Variants in GRM7 observed in about 807,000 individuals in gnomAD.
GRM7 encodes the protein metabotropic glutamate receptor 7.
GRM7 carries 35 observed loss-of-function variants against 84.5 expected under a neutral mutation model. That is an observed-to-expected ratio of 0.41 (90% CI 0.32 to 0.55). GRM7 has a LOEUF of 0.55. Ranked by LOEUF, GRM7 falls within the 20% of genes least tolerant of loss-of-function variation. The probability of loss-of-function intolerance (pLI) is 0.19; values close to 1 mark genes in which losing one functional copy is unlikely to be tolerated. For missense variants in GRM7, 1,003 were observed against 1,194.6 expected (o/e 0.84, Z 2.36); for synonymous variants, 487 against 455.1 (o/e 1.07, Z -0.89).
intron 4 of GRM7, among the ~76,000 whole-genome samples, chr3:7,310,258 A>G (rs1025055098): frequency 2.0e-5 from 3 of 150,414 alleles, no homozygotes; most frequent in Non-Finnish European, 4.4e-5. Context: ...ATTGGTGATG[A>G]TTTTCAAATG....
chr3:7,701,776 A>G (rs972820905), intron 9 of GRM7, among the ~76,000 whole-genome samples: 2 of 152,178 alleles, frequency 1.3e-5, no homozygotes, highest in Non-Finnish European at 2.9e-5. Flanking sequence ...CACTAAGTTC[A>G]ACAGAACACA....
At chr3:7,417,601 T>G (rs998785719) in intron 5 of GRM7, among the ~76,000 whole-genome samples, 1 of 152,168 alleles carries the variant, frequency 6.6e-6, no homozygotes, top group Non-Finnish European at 1.5e-5. Flanking sequence ...CTGAGTAGTC[T>G]GACACTGAAG....
At chr3:7,301,345 A>G (rs1002847078) in intron 3 of GRM7, among the ~76,000 whole-genome samples, 8 of 152,160 alleles carry the variant, frequency 5.3e-5, no homozygotes, top group Admixed American at 2.6e-4. Flanking sequence ...TTAGGTTTCT[A>G]TGAGATTTTG....
chr3:7,043,913 C>G (rs1311632039), intron 1 of GRM7, among the ~76,000 whole-genome samples: 2 of 152,188 alleles, frequency 1.3e-5, no homozygotes. Context: ...CTCCAGGGCT[C>G]AAGTGATCTT....
chr3:7,487,902 T>G (rs897964978), intron 7 of GRM7, among the ~76,000 whole-genome samples: 1 of 152,146 alleles, frequency 6.6e-6, no homozygotes, highest in South Asian at 2.1e-4. Context: ...CAGGCTCTAG[T>G]GTACAACCCT....
intron 4 of GRM7, among the ~76,000 whole-genome samples, chr3:7,355,156 T>C (rs961264478): frequency 3.3e-5 from 5 of 152,164 alleles, no homozygotes; most frequent in Non-Finnish European, 1.5e-5. Context: ...TCCAGGTGTG[T>C]GGAGCCTGCC....
intron 1 of GRM7, among the ~76,000 whole-genome samples, chr3:7,114,059 G>T (rs537650479): frequency 2.0e-5 from 3 of 152,090 alleles, no homozygotes; most frequent in South Asian, 2.1e-4. Flanking sequence ...TCAGATAATA[G>T]ATACTGAAAT....
Position 7,579,371 on chromosome 3 carries a change from C to G in GRM7, c.2451+14C>G. The G allele has an allele frequency of 7.0e-7, 1 of 1,423,474 alleles. No individual in the cohort carries two copies. The allele number at this position is 1,423,474 out of a possible 1,614,324, so 88.2% of individuals were successfully genotyped here. A position where few individuals can be genotyped will look rare whatever the true frequency, so the allele number is the denominator to read the frequency against. ...TCAGCGGAAAAGGTAAGTGAAAATG[C>G]ACATCATAATATGTTTTTTAAAAAT... On this transcript the variant is annotated intron_variant, in intron 8 of 9. Coordinates refer to ENST00000357716, the MANE Select transcript of GRM7 (RefSeq NM_000844.4).
At chr3:7,314,480 A>G (rs1001320433) in intron 4 of GRM7, among the ~76,000 whole-genome samples, 2 of 152,166 alleles carry the variant, frequency 1.3e-5, no homozygotes, top group Non-Finnish European at 2.9e-5. Flanking sequence ...ACTATGGCCA[A>G]TTGCTGGTGA....
At chr3:7,424,221 C>G (rs1696510918) in intron 5 of GRM7, among the ~76,000 whole-genome samples, 1 of 151,996 alleles carries the variant, frequency 6.6e-6, no homozygotes, top group African/African-American at 2.4e-5. Flanking sequence ...GGGCGCTCAA[C>G]CGGTTTAGGT....
rs1700490603 is a variant in GRM7, at chr3:7,518,914, T to G, written c.1515+57192T>G. 1.3e-5 allele frequency among the ~76,000 whole-genome samples: 2 copies of G among 152,226 alleles called. 1 individual carries two copies. Among genetic ancestry groups the G allele is most frequent in the South Asian group, 4.1e-4 (2 of 4,836 alleles). On this transcript the variant is annotated intron_variant, in intron 7 of 9. Transcript: ENST00000357716. ...AGCTGGTCGTTTTTAAAAATAACAT[T>G]TAAAAAATTGCCATTCATTATTTTC...
chr3:7,064,321 G>T (rs1697546676), intron 1 of GRM7, among the ~76,000 whole-genome samples: 1 of 150,440 alleles, frequency 6.6e-6, no homozygotes, highest in Non-Finnish European at 1.5e-5. Context: ...ACATATCAGT[G>T]AGAACATATG....
chr3:6,888,040 T>C (rs1290885440), intron 1 of GRM7, among the ~76,000 whole-genome samples: 1 of 152,226 alleles, frequency 6.6e-6, no homozygotes, highest in Non-Finnish European at 1.5e-5. Flanking sequence ...TGTTGAGAAG[T>C]GTCTGTTCAT....
intron 1 of GRM7, among the ~76,000 whole-genome samples, chr3:6,926,545 G>C (rs1697305284): frequency 1.3e-5 from 2 of 152,192 alleles, no homozygotes; most frequent in Non-Finnish European, 2.9e-5. Context: ...ACATTTTGCA[G>C]CTTCTCCTGC....
intron 2 of GRM7, among the ~76,000 whole-genome samples, chr3:7,206,692 A>C (rs574260748): frequency 1.5e-4 from 23 of 152,300 alleles, no homozygotes; most frequent in African/African-American, 5.5e-4. Flanking sequence ...AAAAGGAGAG[A>C]TGGCACCTGA....
intron 4 of GRM7, among the ~76,000 whole-genome samples, chr3:7,389,100 C>A (rs2125138429): frequency 6.6e-6 from 1 of 152,160 alleles, no homozygotes; most frequent in African/African-American, 2.4e-5. Context: ...TTGTCTTAAA[C>A]AATTTTTATC....
intron 1 of GRM7, among the ~76,000 whole-genome samples, chr3:6,945,641 G>A (rs933011619): frequency 1.5e-4 from 23 of 152,170 alleles, no homozygotes; most frequent in Non-Finnish European, 3.1e-4. Flanking sequence ...TCGCCACACC[G>A]ACTTCCACAA....
At chr3:7,029,404 G>A (rs1326944797) in intron 1 of GRM7, among the ~76,000 whole-genome samples, 1 of 151,990 alleles carries the variant, frequency 6.6e-6, no homozygotes, top group Non-Finnish European at 1.5e-5. Flanking sequence ...GACTCAAGCG[G>A]GTATTTGTAC....
In GRM7 at chr3:6,861,984, C is replaced by CGGT. The variant is rs1426182826; in HGVS notation, c.519+82_519+84dup. ...TAACCCTAAAAGCTGGCTTGGACTCCGGTGGTGCGGGTCAGGTCAGCCTTC... is the reference window on the plus strand; with the variant it reads ...TAACCCTAAAAGCTGGCTTGGACTCCGGTGGTGGTGCGGGTCAGGTCAGCCTTC... On this transcript the variant is annotated intron_variant, in intron 1 of 9. Coordinates refer to ENST00000357716, the MANE Select transcript of GRM7 (RefSeq NM_000844.4). The surrounding 1 kb of genome is among the most constrained non-coding windows in gnomAD (Gnocchi z 6.4). The CGGT allele has an allele frequency of 4.0e-6, 5 of 1,255,192 alleles. No individual in the cohort carries two copies. Among genetic ancestry groups the CGGT allele is most frequent in the Non-Finnish European group, 5.6e-6 (5 of 894,768 alleles). 77.8% of individuals were successfully genotyped at this position (1,255,192 alleles called of 1,614,324 possible).
Sources: gnomAD v4.1 joint callset for allele counts (sites outside exome capture counted in the v4.1 genomes callset) on GRCh38, gnomAD v4.1.1 for gene constraint, Gnocchi (gnomAD v3.1) non-coding constraint, MANE v1.5 for transcripts, NCBI Gene and HGNC (gene_info 2026-07-23, HGNC 2026-07-21) for gene names.